GOPC: variants seen among roughly 807,000 people sequenced by gnomAD.
GOPC encodes the protein golgi associated PDZ and coiled-coil motif containing, also known as Golgi-associated PDZ and coiled-coil motif-containing protein.
In GOPC, 32 loss-of-function variants were observed where a neutral mutation model predicts 51.2. The observed-to-expected ratio is 0.63, with a 90% CI of 0.47 to 0.84. The LOEUF (loss-of-function observed/expected upper bound fraction) is 0.84. GOPC is among the 40% of genes least tolerant of loss of function. GOPC has a pLI of 0.00. For missense variants in GOPC, 441 were observed against 555.5 expected, an observed-to-expected ratio of 0.79 and a Z score of 2.07; for synonymous variants, 190 against 205.1, an observed-to-expected ratio of 0.93 and a Z score of 0.63.
chr6:117,566,958 T>A lies in GOPC; in HGVS notation c.1154A>T (p.Asp385Val). The A allele has an allele frequency of 1.2e-6, 2 of 1,611,220 alleles. No homozygotes were observed. The highest frequency in any genetic ancestry group is 2.2e-5 in the East Asian group (1 of 44,702). The change falls in exon 8 of 9, where the codon GAT becomes GTT. Residue 385 changes from aspartate to valine, a missense_variant. Physicochemically the swap from Asp to Val is radical, Grantham distance 152 (BLOSUM62 -3). Transcript: ENST00000368498. ...DSDDENVEYE[D>V]ESGHRYRLYL... Reference sequence around the variant, plus strand: ...CAAACGGTAACGATGTCCACTCTCATCTTCATACTCTACGTTTTCATCATC... The same window carrying A: ...CAAACGGTAACGATGTCCACTCTCAACTTCATACTCTACGTTTTCATCATC...
intron 6 of GOPC, 63 bp from the exon 7 acceptor site, chr6:117,569,799 T>G: frequency 2.1e-6 from 3 of 1,429,366 alleles, no homozygotes; most frequent in Non-Finnish European, 2.8e-6. Flanking sequence ...CCGATTAATC[T>G]AGAGATAAAA....
At chr6:117,589,852 T>A (rs950111265) in intron 1 of GOPC, among the ~76,000 whole-genome samples, 1 of 152,208 alleles carries the variant, frequency 6.6e-6, no homozygotes, top group African/African-American at 2.4e-5. Flanking sequence ...TACTCAATAT[T>A]TTAGGAATAT....
chr6:117,592,741 TG>T (rs1583064033), intron 1 of GOPC, among the ~76,000 whole-genome samples: 1 of 152,180 alleles, frequency 6.6e-6, no homozygotes, highest in East Asian at 1.9e-4. Flanking sequence ...TCTGAGGTTT[TG>T]GGGGTGGATA....
rs374440201 is a variant in GOPC at position 117,575,266 on chromosome 6, T to G, written c.561A>C (p.Glu187Asp). 7 of 1,613,666 alleles carry G rather than the reference T, an allele frequency of 4.3e-6. No individual in the cohort carries two copies. Among genetic ancestry groups the G allele is most frequent in the East Asian group, 4.5e-5 (2 of 44,860 alleles). The change falls in exon 4 of 9, where the codon GAA (glutamate) becomes GAC (aspartate). Residue 187 changes from glutamate to aspartate, a missense_variant. Transcript: ENST00000368498. ...GAACAGCTATATGTCTACGAAGGGCTTCATTCTCTTTTCTCAACAATTTCA... is the reference window on the plus strand; with the variant it reads ...GAACAGCTATATGTCTACGAAGGGCGTCATTCTCTTTTCTCAACAATTTCA... ...AEVKLLRKENEALRRHIAVLQ... is the reference protein window; with the variant it reads ...AEVKLLRKENDALRRHIAVLQ...
chr6:117,586,439 G>A (rs887521598), intron 1 of GOPC, among the ~76,000 whole-genome samples: 1 of 146,680 alleles, frequency 6.8e-6, no homozygotes, highest in African/African-American at 2.6e-5. Flanking sequence ...CTTTTTTCCT[G>A]GAACTAAACT....
chr6:117,581,851 T>C (rs540802778), intron 1 of GOPC, among the ~76,000 whole-genome samples: 1 of 152,350 alleles, frequency 6.6e-6, no homozygotes, highest in East Asian at 1.9e-4. Flanking sequence ...ACATATTGCA[T>C]ATATTTCTCT....
intron 5 of GOPC, among the ~76,000 whole-genome samples, chr6:117,571,812 G>T (rs1046780519): frequency 2.6e-5 from 4 of 151,936 alleles, no homozygotes; most frequent in African/African-American, 9.7e-5. Flanking sequence ...AGTTGATACT[G>T]TTCATCAACC....
chr6:117,587,498 G>A (rs919902095), intron 1 of GOPC, among the ~76,000 whole-genome samples: 4 of 151,050 alleles, frequency 2.6e-5, no homozygotes, highest in African/African-American at 7.3e-5. Flanking sequence ...CCCCCAAACA[G>A]TAATAAATAA....
chr6:117,576,154 A>AT (rs1383031306), intron 3 of GOPC, among the ~76,000 whole-genome samples: 2 of 152,248 alleles, frequency 1.3e-5, no homozygotes, highest in Admixed American at 6.5e-5. Context: ...TCCTAAAAAA[A>AT]ATATATTTAC....
chr6:117,570,873 C>A lies in GOPC; in HGVS notation c.899G>T (p.Gly300Val). 6.4e-7 allele frequency: 1 copy of A among 1,560,492 alleles called. No individual in the cohort carries two copies. Among genetic ancestry groups the A allele is most frequent in the Non-Finnish European group, 8.8e-7 (1 of 1,140,828 alleles). Residue 300 changes from glycine (G) to valine (V), a missense_variant, in exon 6 of 9, where the codon GGC (glycine) becomes GTC (valine). Transcript: ENST00000368498. The part of the protein sequence containing the change: ...LLLKEDHEGL[G>V]ISITGGKEHG... ...ACTACTTCTTACTGTAATTGAAATG[C>A]CAAGGCCTTCATGATCTTCCTTAAG...
chr6:117,577,907 C>T (rs540747431), intron 2 of GOPC, among the ~76,000 whole-genome samples: 1 of 152,172 alleles, frequency 6.6e-6, no homozygotes, highest in South Asian at 2.1e-4. Context: ...AATTTTAACA[C>T]ATCAGTACTA....
At chr6:117,573,799 T>G (rs761615948) in intron 4 of GOPC, among the ~76,000 whole-genome samples, 167 bp from the exon 5 acceptor site, 7 of 151,884 alleles carry the variant, frequency 4.6e-5, no homozygotes, top group Non-Finnish European at 1.0e-4. Context: ...ATATGAAAAC[T>G]CTGAAAAGAA....
chr6:117,597,806 G>A (rs1013975067), intron 1 of GOPC, among the ~76,000 whole-genome samples: 1 of 151,598 alleles, frequency 6.6e-6, no homozygotes, highest in Admixed American at 6.6e-5. Context: ...TCAGTATCTT[G>A]AACAATATGT....
intron 1 of GOPC, among the ~76,000 whole-genome samples, chr6:117,589,525 G>A (rs1780083667): frequency 6.6e-6 from 1 of 152,148 alleles, no homozygotes; most frequent in South Asian, 2.1e-4. Context: ...CACCATGTTG[G>A]TCAGGCTGGT....
At chr6:117,586,981 G>A (rs1780042395) in intron 1 of GOPC, among the ~76,000 whole-genome samples, 1 of 152,046 alleles carries the variant, frequency 6.6e-6, no homozygotes, top group South Asian at 2.1e-4. Flanking sequence ...GCCTGAGGTG[G>A]TCAAAATCAC....
intron 4 of GOPC, among the ~76,000 whole-genome samples, chr6:117,574,188 C>T (rs1308882537): frequency 6.6e-6 from 1 of 151,644 alleles, no homozygotes; most frequent in Non-Finnish European, 1.5e-5. Flanking sequence ...AAGGTGGACG[C>T]TGCAGTGAGC....
intron 1 of GOPC, among the ~76,000 whole-genome samples, chr6:117,590,956 G>A (rs574907563): frequency 7.9e-4 from 120 of 152,184 alleles, no homozygotes; most frequent in African/African-American, 2.7e-3. Context: ...AGGTTCAAGC[G>A]ATTCTCCTGC....
chr6:117,571,617 T>C lies in GOPC; in HGVS notation c.817-662A>G, dbSNP rs142404313. On this transcript the variant is annotated intron_variant, in intron 5 of 8. Coordinates refer to ENST00000368498, the MANE Select transcript of GOPC (RefSeq NM_020399.4). The stretch of plus-strand genomic sequence containing the variant: ...TACCATCCTCCCCCTTTCCTTAACC[T>C]CTACACGAAGTTCATCCTCATCATA... Among the ~76,000 whole-genome samples the C allele has an allele frequency of 1.1e-4, 16 of 152,222 alleles. No individual in the cohort carries two copies. In the East Asian group the frequency reaches 3.1e-3, roughly 29 times the overall value.
chr6:117,582,763 A>C (rs1407591579), intron 1 of GOPC, among the ~76,000 whole-genome samples: 1 of 149,782 alleles, frequency 6.7e-6, no homozygotes, highest in Admixed American at 6.6e-5. Context: ...AGGATGGTCA[A>C]TGCAGAGAAT....
Sources: gnomAD v4.1 joint callset for allele counts (sites outside exome capture counted in the v4.1 genomes callset) on GRCh38, gnomAD v4.1.1 for gene constraint, MANE v1.5 for transcripts, NCBI Gene and HGNC (gene_info 2026-07-23, HGNC 2026-07-21) for gene names.